RPL24: variants seen among roughly 807,000 people sequenced by gnomAD.
RPL24 encodes large ribosomal subunit protein eL24.
RPL24 carries 7 observed loss-of-function variants against 26.4 expected under a neutral mutation model. The observed-to-expected ratio is 0.27, with a 90% CI of 0.15 to 0.50. The LOEUF (loss-of-function observed/expected upper bound fraction) is 0.50, where lower values mean the gene tolerates loss of function less well. RPL24 is among the 20% of genes least tolerant of loss of function. The pLI is 0.98. For synonymous variants in RPL24, 67 were observed against 65.2 expected (o/e 1.03, Z -0.13); for missense variants, 109 against 194.9 (o/e 0.56, Z 2.62).
chr3:101,684,436 G>A, intron 3 of RPL24, among the ~76,000 whole-genome samples: 1 of 152,048 alleles, frequency 6.6e-6, no homozygotes, highest in Non-Finnish European at 1.5e-5. Flanking sequence ...CCAAAGTGCT[G>A]GGATTACAGG....
chr3:101,685,785 A>G, intron 3 of RPL24, 33 bp downstream of exon 3: 1 of 1,241,814 alleles, frequency 8.1e-7, no homozygotes, highest in Non-Finnish European at 1.2e-6. Flanking sequence ...AACTTAAGAG[A>G]TAGCCCCCAA....
rs58405821 is a variant in RPL24, at chr3:101,684,288, C to T, written c.193-1381G>A. On this transcript the variant is annotated intron_variant, in intron 3 of 5. Transcript: ENST00000394077. ...TCAAGCTATTCTCCTGCCTCAGCCT[C>T]CCAAGTAGCTGGGACTACAGGCACC... 4.4e-3 allele frequency among the ~76,000 whole-genome samples: 667 copies of T among 152,246 alleles called. 5 individuals are homozygous for T. The highest frequency in any genetic ancestry group is 0.014 in the African/African-American group (599 of 41,554).
rs1937291090 is a variant in RPL24, at chr3:101,683,702, CTTTT to C, written c.193-799_193-796del. 2.2e-5 allele frequency among the ~76,000 whole-genome samples: 3 copies of C among 138,650 alleles called. No individual in the cohort carries two copies. In the South Asian group the frequency reaches 6.8e-4, roughly 31 times the overall value. The allele number at this position is 138,650 out of a possible 152,430, so 91.0% of individuals were successfully genotyped here. On this transcript the variant is annotated intron_variant, in intron 3 of 5. Coordinates refer to ENST00000394077, the MANE Select transcript of RPL24 (RefSeq NM_000986.4). ...TGACAATTTTAACCTTTTGGTTTTT[CTTTT>C]CTTTTTTTTTTTTTTTTTTAAAGAC...
At chr3:101,686,081 G>C (rs1248563592) in intron 2 of RPL24, 153 bp from the exon 3 acceptor site, 2 of 603,514 alleles carry the variant, frequency 3.3e-6, no homozygotes, top group Non-Finnish European at 3.0e-6. Context: ...TCACATAACT[G>C]GCAGGTAACT....
At chr3:101,685,765 G>C in intron 3 of RPL24, 53 bp downstream of exon 3, 2 of 1,009,132 alleles carry the variant, frequency 2.0e-6, no homozygotes, top group Non-Finnish European at 3.1e-6. Context: ...AACGTTCAGA[G>C]AGCTTTGACA....
chr3:101,683,768 G>C (rs558643560), intron 3 of RPL24, among the ~76,000 whole-genome samples: 1 of 150,450 alleles, frequency 6.6e-6, no homozygotes, highest in South Asian at 2.1e-4. Flanking sequence ...GAGTGCAGTG[G>C]CATGATCTTG....
chr3:101,684,971 C>A (rs995745282), intron 3 of RPL24, among the ~76,000 whole-genome samples: 2 of 151,674 alleles, frequency 1.3e-5, no homozygotes, highest in South Asian at 4.2e-4. Context: ...CCACCAAGCC[C>A]GGATTTGCTA....
intron 3 of RPL24, among the ~76,000 whole-genome samples, chr3:101,684,776 CA>C (rs57278210): frequency 8.1e-4 from 43 of 53,178 alleles, no homozygotes; most frequent in African/African-American, 1.9e-3. Flanking sequence ...CCTGTCTCCC[CA>C]AAAAAAAAAA....
chr3:101,684,833 C>A, intron 3 of RPL24, among the ~76,000 whole-genome samples: 2 of 120,814 alleles, frequency 1.7e-5, no homozygotes, highest in Admixed American at 9.0e-5. Flanking sequence ...GCCTTATGTA[C>A]ATTCATAGCG....
At position 101,684,789 on chromosome 3, in the gene RPL24, A is replaced by ACC. The variant is rs1559993230; in HGVS notation, c.192+1028_192+1029insGG. Among the ~76,000 whole-genome samples, 1,052 of 111,122 alleles carry ACC rather than the reference A, an allele frequency of 9.5e-3. 39 individuals carry two copies. Among genetic ancestry groups the ACC allele is most frequent in the African/African-American group, 0.026 (822 of 32,102 alleles). 72.9% of individuals were successfully genotyped at this position (111,122 alleles called of 152,430 possible). A position where few individuals can be genotyped will look rare whatever the true frequency, so the allele number is the denominator to read the frequency against. ...GACCTGTCTCCCCAAAAAAAAAAAA[A>ACC]AAAAAAAAAAAAAAAAAAAAAAAAG... On this transcript the variant is annotated intron_variant, in intron 3 of 5. Coordinates refer to ENST00000394077, the MANE Select transcript of RPL24 (RefSeq NM_000986.4).
rs750954190 is a variant in RPL24, at chr3:101,686,468, A to G, written c.81+14T>C. ...GAGTACAAGAAGGTAGGTGAAGCCG[A>G]CGCGGCTTTTTACCTTCCCGTCGGT... On this transcript the variant is annotated intron_variant, in intron 2 of 5. Transcript: ENST00000394077. The G allele has an allele frequency of 6.8e-6, 11 of 1,612,414 alleles. No homozygotes were observed. Among genetic ancestry groups the G allele is most frequent in the Non-Finnish European group, 9.3e-6 (11 of 1,179,040 alleles).
At chr3:101,683,344 C>G (rs144485079) in intron 3 of RPL24, among the ~76,000 whole-genome samples, 180 of 152,336 alleles carry the variant, frequency 1.2e-3, no homozygotes, top group Non-Finnish European at 2.0e-3. Context: ...ATTGTGGAAT[C>G]TAACACTTTC....
chr3:101,685,721 TAC>T (rs1240027670), intron 3 of RPL24, 95 bp downstream of exon 3: 3 of 641,040 alleles, frequency 4.7e-6, no homozygotes, highest in Admixed American at 2.8e-5. Flanking sequence ...CTCTTTCGCA[TAC>T]AGTCTGATTT....
chr3:101,684,776 C>CCAAAAAAA (rs1205904118), intron 3 of RPL24, among the ~76,000 whole-genome samples: 1 of 53,216 alleles, frequency 1.9e-5, no homozygotes, highest in Non-Finnish European at 3.2e-5. Flanking sequence ...CCTGTCTCCC[C>CCAAAAAAA]AAAAAAAAAA....
chr3:101,681,878 GCCAA>G (rs567269018), intron 5 of RPL24: 1 of 153,884 alleles, frequency 6.5e-6, no homozygotes, highest in Non-Finnish European at 1.4e-5. Flanking sequence ...AAACAAAAAG[GCCAA>G]CCTTTATTTT....
At chr3:101,685,601 C>A (rs1383220298) in intron 3 of RPL24, among the ~76,000 whole-genome samples, 2 of 152,182 alleles carry the variant, frequency 1.3e-5, no homozygotes, top group Non-Finnish European at 2.9e-5. Flanking sequence ...AGGTGCTTAA[C>A]GTAATTTATC....
intron 4 of RPL24, 85 bp downstream of exon 4, chr3:101,682,686 T>C (rs1337340651): frequency 7.4e-7 from 1 of 1,343,090 alleles, no homozygotes; most frequent in Non-Finnish European, 1.0e-6. Flanking sequence ...CATATATTAA[T>C]CTATATGGTA....
intron 3 of RPL24, among the ~76,000 whole-genome samples, chr3:101,683,167 ATAG>A (rs1937283569): frequency 6.6e-6 from 1 of 152,230 alleles, no homozygotes; most frequent in Non-Finnish European, 1.5e-5. Context: ...CATGAACTGC[ATAG>A]TAGTATAAAT....
chr3:101,682,668 C>T (rs1366409642), intron 4 of RPL24, 103 bp downstream of exon 4: 1 of 1,284,756 alleles, frequency 7.8e-7, no homozygotes, highest in Non-Finnish European at 1.1e-6. Context: ...ACCACCAAAT[C>T]AGCTTAACAT....
Sources: gnomAD v4.1 joint callset for allele counts (sites outside exome capture counted in the v4.1 genomes callset) on GRCh38, gnomAD v4.1.1 for gene constraint, MANE v1.5 for transcripts, NCBI Gene and HGNC (gene_info 2026-07-23, HGNC 2026-07-21) for gene names.